Variants in ARHGAP15 observed in about 807,000 individuals in gnomAD.
ARHGAP15 encodes the protein rho GTPase-activating protein 15.
A neutral mutation model predicts 63.7 loss-of-function variants in ARHGAP15; 51 were observed. The observed-to-expected ratio is 0.80, with a 90% CI of 0.64 to 1.01. ARHGAP15 has a LOEUF of 1.01. ARHGAP15 is among the 50% of genes least tolerant of loss of function. The pLI is 0.00. For missense variants in ARHGAP15, 560 were observed against 564.6 expected (o/e 0.99, Z 0.08); for synonymous variants, 191 against 193.8 (o/e 0.99, Z 0.12).
At chr2:143,473,049 A>G (rs77363405) in intron 8 of ARHGAP15, among the ~76,000 whole-genome samples, 1,955 of 152,276 alleles carry the variant, frequency 0.013, 46 homozygotes, top group African/African-American at 0.045. Flanking sequence ...ACTCCAAACT[A>G]GAACGTGAAG....
At chr2:143,627,540 ATTT>A (rs1280702872) in intron 12 of ARHGAP15, among the ~76,000 whole-genome samples, 1 of 152,164 alleles carries the variant, frequency 6.6e-6, no homozygotes, top group Non-Finnish European at 1.5e-5. Context: ...GTCTTTCAAA[ATTT>A]TAAGAACATT....
At position 143,244,693 on chromosome 2, in the gene ARHGAP15, G is replaced by A. The variant is rs969007528; in HGVS notation, c.385-5818G>A. Among the ~76,000 whole-genome samples, 12 of 152,104 alleles carry A rather than the reference G, an allele frequency of 7.9e-5. No homozygotes were observed. The East Asian group carries it at 1.2e-3, about 15-fold the overall frequency. ...TACCAAGGGATTTGGACACTATCCC[G>A]TAGATAAATTTTCCATAATAAACAA... is the stretch of plus-strand genomic sequence containing the variant. On this transcript the variant is annotated intron_variant, in intron 5 of 13. Coordinates refer to ENST00000295095, the MANE Select transcript of ARHGAP15 (RefSeq NM_018460.4).
intron 8 of ARHGAP15, among the ~76,000 whole-genome samples, chr2:143,448,546 A>G (rs1690252172): frequency 1.3e-5 from 2 of 152,090 alleles, no homozygotes; most frequent in South Asian, 4.1e-4. Context: ...TAGGTGAAGA[A>G]GAAAGATTCC....
chr2:143,517,001 G>GT, intron 9 of ARHGAP15, among the ~76,000 whole-genome samples: 1 of 152,214 alleles, frequency 6.6e-6, no homozygotes, highest in Non-Finnish European at 1.5e-5. Context: ...CAGGCCTGGA[G>GT]GGCAGTGGCG....
chr2:143,749,795 A>G (rs878946391), intron 13 of ARHGAP15, among the ~76,000 whole-genome samples: 4 of 152,236 alleles, frequency 2.6e-5, no homozygotes, highest in African/African-American at 9.6e-5. Flanking sequence ...TACAATAAGT[A>G]TGTACACGAA....
intron 6 of ARHGAP15, among the ~76,000 whole-genome samples, chr2:143,327,852 A>G (rs1035819172): frequency 6.6e-6 from 1 of 152,154 alleles, no homozygotes; most frequent in Admixed American, 6.5e-5. Context: ...CAATCTATCC[A>G]TCTGACAAAG....
At chr2:143,552,781 G>A (rs1287641018) in intron 10 of ARHGAP15, among the ~76,000 whole-genome samples, 4 of 151,964 alleles carry the variant, frequency 2.6e-5, no homozygotes, top group Non-Finnish European at 4.4e-5. Context: ...TAGTTTTATC[G>A]TGTTCCCAAA....
At chr2:143,413,790 A>G (rs1300306085) in intron 6 of ARHGAP15, among the ~76,000 whole-genome samples, 5 of 152,080 alleles carry the variant, frequency 3.3e-5, no homozygotes, top group Non-Finnish European at 5.9e-5. Flanking sequence ...TAGCTTTTCA[A>G]TGCAGAATGC....
At chr2:143,659,246 G>T (rs1229015623) in intron 12 of ARHGAP15, among the ~76,000 whole-genome samples, 3 of 152,076 alleles carry the variant, frequency 2.0e-5, no homozygotes, top group Non-Finnish European at 4.4e-5. Context: ...AGGGAAAAAA[G>T]GGATAACAAT....
At chr2:143,635,408 C>T (rs545662713) in intron 12 of ARHGAP15, among the ~76,000 whole-genome samples, 92 of 152,068 alleles carry the variant, frequency 6.0e-4, no homozygotes, top group African/African-American at 2.1e-3. Flanking sequence ...ACCCAGTACT[C>T]TTGTTTGCCT....
intron 13 of ARHGAP15, among the ~76,000 whole-genome samples, chr2:143,705,360 T>C (rs1684280794): frequency 6.6e-6 from 1 of 152,150 alleles, no homozygotes; most frequent in African/African-American, 2.4e-5. Context: ...TCTTGGGCTT[T>C]AAAGAAATAG....
At chr2:143,732,538 A>G (rs890058214) in intron 13 of ARHGAP15, among the ~76,000 whole-genome samples, 7 of 152,332 alleles carry the variant, frequency 4.6e-5, no homozygotes, top group African/African-American at 1.2e-4. Flanking sequence ...AGAAGTAGGT[A>G]GCTCACAACC....
intron 6 of ARHGAP15, among the ~76,000 whole-genome samples, chr2:143,329,783 C>T (rs11885027): frequency 0.016 from 2,489 of 151,758 alleles, 70 homozygotes; most frequent in African/African-American, 0.056. Context: ...CATACACACC[C>T]CCCTCCGTAG....
intron 12 of ARHGAP15, among the ~76,000 whole-genome samples, chr2:143,666,756 T>G (rs539107413): frequency 0.066 from 9,324 of 140,642 alleles, 381 homozygotes; most frequent in East Asian, 0.095. Flanking sequence ...GAAAGTGGGC[T>G]AAGGACATGA....
chr2:143,588,200 T>G (rs1574669616), intron 11 of ARHGAP15, among the ~76,000 whole-genome samples: 1 of 152,304 alleles, frequency 6.6e-6, no homozygotes, highest in East Asian at 1.9e-4. Flanking sequence ...TCTAACTTTC[T>G]TCCCTTTACT....
chr2:143,487,120 A>G (rs1374955365), intron 8 of ARHGAP15, among the ~76,000 whole-genome samples: 2 of 152,222 alleles, frequency 1.3e-5, no homozygotes, highest in Non-Finnish European at 2.9e-5. Flanking sequence ...GTTAAATATA[A>G]GGAAATGAAA....
intron 8 of ARHGAP15, among the ~76,000 whole-genome samples, chr2:143,448,839 A>T (rs991913676): frequency 2.6e-5 from 4 of 152,038 alleles, no homozygotes. Context: ...GGTGATTCCC[A>T]TGCACATTAA....
At chr2:143,270,294 T>A (rs1681208763) in intron 6 of ARHGAP15, among the ~76,000 whole-genome samples, 2 of 152,276 alleles carry the variant, frequency 1.3e-5, no homozygotes, top group Admixed American at 1.3e-4. Flanking sequence ...TTGCTTAAAA[T>A]GTTACCACAC....
chr2:143,367,159 T>G (rs559709839), intron 6 of ARHGAP15, among the ~76,000 whole-genome samples: 89 of 152,180 alleles, frequency 5.8e-4, no homozygotes, highest in African/African-American at 2.1e-3. Context: ...TTTTTCCTAT[T>G]CTTTGGGTAA....
Sources: gnomAD v4.1 joint callset for allele counts (sites outside exome capture counted in the v4.1 genomes callset) on GRCh38, gnomAD v4.1.1 for gene constraint, MANE v1.5 for transcripts, NCBI Gene and HGNC (gene_info 2026-07-23, HGNC 2026-07-21) for gene names.